SDK1: variants seen among roughly 807,000 people sequenced by gnomAD.
SDK1 encodes the protein protein sidekick-1.
A neutral mutation model predicts 245.5 loss-of-function variants in SDK1; 157 were observed. The observed-to-expected ratio is 0.64, with a 90% CI of 0.56 to 0.73. The LOEUF (loss-of-function observed/expected upper bound fraction) is 0.73. SDK1 is among the 30% of genes least tolerant of loss of function. SDK1 has a pLI of 0.00. For synonymous variants in SDK1, 1,647 were observed against 1,278.5 expected (o/e 1.29, Z -6.15); for missense variants, 3,583 against 3,002.3 (o/e 1.19, Z -4.52).
At chr7:3,742,746 T>A (rs1352747096) in intron 4 of SDK1, among the ~76,000 whole-genome samples, 1 of 152,194 alleles carries the variant, frequency 6.6e-6, no homozygotes, top group Non-Finnish European at 1.5e-5. Flanking sequence ...CTGTTGTCAG[T>A]TTATTTCACA....
intron 4 of SDK1, among the ~76,000 whole-genome samples, chr7:3,678,778 G>C (rs1230870983): frequency 6.6e-6 from 1 of 152,152 alleles, no homozygotes; most frequent in Non-Finnish European, 1.5e-5. Flanking sequence ...TAAAATGATA[G>C]ATTTCAGGCA....
At position 3,472,021 on chromosome 7, in the gene SDK1, G is replaced by A. The variant is rs568487326; in HGVS notation, c.299-147059G>A. ...TGAGCATTTTTTCACTTTTGTAATC[G>A]GTATGACCCTCTTGTGTTTTTGCTG... On this transcript the variant is annotated intron_variant, in intron 1 of 44. Transcript: ENST00000404826. Among the ~76,000 whole-genome samples the A allele has an allele frequency of 3.3e-5, 5 of 152,136 alleles. No homozygotes were observed. In the South Asian group the frequency reaches 8.3e-4, roughly 25 times the overall value.
intron 17 of SDK1, among the ~76,000 whole-genome samples, chr7:4,037,753 G>A (rs1288371166): frequency 1.3e-5 from 2 of 152,160 alleles, no homozygotes; most frequent in African/African-American, 2.4e-5. Flanking sequence ...ATCACTTAAT[G>A]AGGAATACAG....
intron 7 of SDK1, among the ~76,000 whole-genome samples, chr7:3,954,598 C>A (rs573119428): frequency 1.2e-4 from 13 of 109,754 alleles, no homozygotes; most frequent in Non-Finnish European, 1.8e-4. Flanking sequence ...CTCCGCCCTC[C>A]GTTCCCACCT....
intron 13 of SDK1, among the ~76,000 whole-genome samples, chr7:3,977,661 G>T (rs563679552): frequency 1.4e-4 from 22 of 152,326 alleles, no homozygotes; most frequent in African/African-American, 4.6e-4. Context: ...CCAGGATGCT[G>T]CCTGCAGTTC....
rs1378567608 is a variant in SDK1, at chr7:4,267,600, ACTCTGATGACTGCT to A, written c.*2222_*2235del. Reference sequence around the variant, plus strand: ...CCATGGCCAGCGCTGCTTTCTGTGCACTCTGATGACTGCTCTCTGCAGCCATGAGGATGTGGCTT... The same window carrying A: ...CCATGGCCAGCGCTGCTTTCTGTGCACTCTGCAGCCATGAGGATGTGGCTT... On this transcript the variant is annotated 3_prime_UTR_variant, in exon 45 of 45. Transcript: ENST00000404826. The A allele has an allele frequency of 2.0e-6, 2 of 985,266 alleles. No individual in the cohort carries two copies. The highest frequency in any genetic ancestry group is 3.5e-5 in the African/African-American group (2 of 57,202). 61.0% of individuals were successfully genotyped at this position (985,266 alleles called of 1,614,324 possible).
At chr7:3,401,566 G>C (rs1220586365) in intron 1 of SDK1, among the ~76,000 whole-genome samples, 1 of 152,164 alleles carries the variant, frequency 6.6e-6, no homozygotes, top group Non-Finnish European at 1.5e-5. Context: ...GGTGAGTCTT[G>C]AAGAGGCTGT....
intron 4 of SDK1, among the ~76,000 whole-genome samples, chr7:3,798,805 T>C (rs189172800): frequency 2.0e-5 from 3 of 152,340 alleles, no homozygotes; most frequent in African/African-American, 7.2e-5. Flanking sequence ...TCAGTGACTT[T>C]GTGGACACAC....
At chr7:3,438,063 T>A (rs1181182948) in intron 1 of SDK1, among the ~76,000 whole-genome samples, 1 of 152,168 alleles carries the variant, frequency 6.6e-6, no homozygotes, top group Non-Finnish European at 1.5e-5. Context: ...CTTGGAATAA[T>A]TAAGTTATTT....
At position 3,951,634 on chromosome 7, in the gene SDK1, T is replaced by A. The variant is rs919393265; in HGVS notation, c.960-96T>A. ...CAACCCACCATGCACCCTGGTAGCA[T>A]TAGCTTCGTCAAGCCTGTGCCGAGT... On this transcript the variant is annotated intron_variant, in intron 6 of 44. Coordinates refer to ENST00000404826, the MANE Select transcript of SDK1 (RefSeq NM_152744.4). 1.5e-5 allele frequency: 16 copies of A among 1,085,046 alleles called. No individual in the cohort carries two copies. The African/African-American group carries it at 2.3e-4, about 16-fold the overall frequency. 67.2% of individuals were successfully genotyped at this position (1,085,046 alleles called of 1,614,324 possible).
chr7:3,455,340 A>C (rs1488554210), intron 1 of SDK1, among the ~76,000 whole-genome samples: 1 of 151,262 alleles, frequency 6.6e-6, no homozygotes, highest in African/African-American at 2.4e-5. Context: ...GTCAATTCTA[A>C]GAACTCTTTA....
chr7:3,474,747 G>A (rs1187595872), intron 1 of SDK1, among the ~76,000 whole-genome samples: 1 of 152,128 alleles, frequency 6.6e-6, no homozygotes, highest in African/African-American at 2.4e-5. Flanking sequence ...CTGCAGTGCA[G>A]TGGCATGATC....
chr7:3,533,335 C>G (rs1488946064), intron 1 of SDK1, among the ~76,000 whole-genome samples: 1 of 152,078 alleles, frequency 6.6e-6, no homozygotes, highest in Non-Finnish European at 1.5e-5. Context: ...TAAAAAGACT[C>G]GCTGATAAAG....
intron 1 of SDK1, among the ~76,000 whole-genome samples, chr7:3,403,890 T>A (rs532619185): frequency 1.8e-3 from 236 of 134,018 alleles, no homozygotes; most frequent in Non-Finnish European, 2.9e-3. Flanking sequence ...TTATTTATAT[T>A]ATATATATAT....
intron 40 of SDK1, among the ~76,000 whole-genome samples, chr7:4,226,764 A>G (rs116645191): frequency 0.013 from 1,947 of 152,320 alleles, 35 homozygotes; most frequent in South Asian, 0.08. Flanking sequence ...CAGATGATCT[A>G]TTTACACAGA....
intron 5 of SDK1, among the ~76,000 whole-genome samples, chr7:3,946,847 C>T (rs765844082): frequency 9.2e-5 from 14 of 152,164 alleles, no homozygotes; most frequent in Non-Finnish European, 1.3e-4. Flanking sequence ...AGATTGCCTT[C>T]ATGTGGGTAA....
intron 1 of SDK1, among the ~76,000 whole-genome samples, chr7:3,566,010 C>G (rs186719573): frequency 6.6e-6 from 1 of 151,822 alleles, no homozygotes; most frequent in Non-Finnish European, 1.5e-5. Context: ...CTTACAGCAA[C>G]GAAAGCAATA....
At chr7:3,877,000 C>G (rs1781092888) in intron 5 of SDK1, among the ~76,000 whole-genome samples, 1 of 152,114 alleles carries the variant, frequency 6.6e-6, no homozygotes, top group African/African-American at 2.4e-5. Flanking sequence ...TCCCTCTGCC[C>G]CTCTCCCATA....
intron 18 of SDK1, among the ~76,000 whole-genome samples, chr7:4,051,224 C>G (rs1479649579): frequency 7.3e-6 from 1 of 136,490 alleles, no homozygotes; most frequent in African/African-American, 2.8e-5. Context: ...ATAACATATA[C>G]TATATATGTT....
Sources: allele counts gnomAD v4.1 joint callset (sites outside exome capture counted in the v4.1 genomes callset), GRCh38; gene constraint gnomAD v4.1.1; transcripts MANE v1.5; gene names NCBI Gene and HGNC (gene_info 2026-07-23, HGNC 2026-07-21).